Variants in CBLB observed in about 807,000 individuals in gnomAD.
CBLB encodes the protein E3 ubiquitin-protein ligase CBL-B.
In CBLB, 31 loss-of-function variants were observed where a neutral mutation model predicts 104.9. The observed-to-expected ratio is 0.30, with a 90% CI of 0.22 to 0.40. CBLB has a LOEUF of 0.40. Among genes scored for constraint, CBLB ranks in the 10% least tolerant of loss-of-function variants. CBLB has a pLI of 1.00. For missense variants in CBLB, 1,062 were observed against 1,214.6 expected, an observed-to-expected ratio of 0.87 and a Z score of 1.87; for synonymous variants, 440 against 422.6, an observed-to-expected ratio of 1.04 and a Z score of -0.51.
intron 3 of CBLB, among the ~76,000 whole-genome samples, chr3:105,815,856 T>C (rs2084966975): frequency 6.6e-6 from 1 of 152,202 alleles, no homozygotes; most frequent in South Asian, 2.1e-4. Context: ...CATGGAATAC[T>C]ATGCAGCCAT....
intron 3 of CBLB, among the ~76,000 whole-genome samples, chr3:105,783,040 G>A (rs2080482885): frequency 6.6e-6 from 1 of 152,132 alleles, no homozygotes; most frequent in African/African-American, 2.4e-5. Context: ...TAACATGCCA[G>A]CCTATGATGC....
At chr3:105,793,771 G>A (rs1003115349) in intron 3 of CBLB, among the ~76,000 whole-genome samples, 1 of 152,166 alleles carries the variant, frequency 6.6e-6, no homozygotes. Flanking sequence ...AGGTGTAGCT[G>A]TTCCACTTTG....
At chr3:105,862,998 GTC>G (rs1415144966) in intron 2 of CBLB, among the ~76,000 whole-genome samples, 1 of 152,174 alleles carries the variant, frequency 6.6e-6, no homozygotes, top group Non-Finnish European at 1.5e-5. Flanking sequence ...ATTTGGAAAT[GTC>G]TGTCTTTCCA....
chr3:105,756,120 T>C (rs2077059106), intron 4 of CBLB, among the ~76,000 whole-genome samples: 1 of 152,204 alleles, frequency 6.6e-6, no homozygotes, highest in Non-Finnish European at 1.5e-5. Flanking sequence ...TGCTCTAGTG[T>C]ACTAAAAGAA....
intron 13 of CBLB, among the ~76,000 whole-genome samples, chr3:105,689,401 C>T (rs1048946188): frequency 6.6e-6 from 1 of 150,500 alleles, no homozygotes; most frequent in Non-Finnish European, 1.5e-5. Context: ...TACAAAAATG[C>T]AAAACCAAGT....
At chr3:105,790,659 GGTCAT>G (rs1470534412) in intron 3 of CBLB, among the ~76,000 whole-genome samples, 11 of 152,156 alleles carry the variant, frequency 7.2e-5, no homozygotes, top group Admixed American at 4.6e-4. Context: ...GTACAACTAA[GGTCAT>G]TCAAGGTGCT....
intron 17 of CBLB, among the ~76,000 whole-genome samples, chr3:105,677,820 A>G (rs1232065427): frequency 1.3e-5 from 2 of 148,982 alleles, no homozygotes; most frequent in Non-Finnish European, 3.0e-5. Context: ...TATATAATAT[A>G]TACATATGTA....
At chr3:105,832,232 T>C (rs966532752) in intron 3 of CBLB, among the ~76,000 whole-genome samples, 6 of 152,150 alleles carry the variant, frequency 3.9e-5, no homozygotes, top group Non-Finnish European at 5.9e-5. Context: ...ACCTCTGTTA[T>C]AGCAATTTTG....
At chr3:105,694,943 T>C (rs1369198887) in intron 12 of CBLB, among the ~76,000 whole-genome samples, 2 of 151,818 alleles carry the variant, frequency 1.3e-5, no homozygotes, top group East Asian at 3.8e-4. Flanking sequence ...ATTAATCATT[T>C]TGAAGTTTAA....
At chr3:105,827,105 CCA>C (rs765074896) in intron 3 of CBLB, among the ~76,000 whole-genome samples, 33 of 152,078 alleles carry the variant, frequency 2.2e-4, no homozygotes, top group Admixed American at 1.3e-4. Flanking sequence ...CAATTTTTCC[CCA>C]CCTAGAGCTT....
At chr3:105,785,728 G>A (rs1001776895) in intron 3 of CBLB, among the ~76,000 whole-genome samples, 12 of 152,046 alleles carry the variant, frequency 7.9e-5, no homozygotes, top group Admixed American at 2.6e-4. Flanking sequence ...TGCTTATGTC[G>A]TGCAATACTA....
At chr3:105,753,788 A>G (rs1247141800) in intron 4 of CBLB, among the ~76,000 whole-genome samples, 1 of 152,236 alleles carries the variant, frequency 6.6e-6, no homozygotes, top group East Asian at 1.9e-4. Flanking sequence ...TAGCATTTAC[A>G]GTGAATTCAA....
intron 17 of CBLB, chr3:105,671,494 T>C (rs900662720): frequency 4.7e-6 from 1 of 214,204 alleles, no homozygotes. Context: ...CAAATTCAGA[T>C]TGTTCACAAT....
At chr3:105,852,994 G>A (rs2091152917) in intron 3 of CBLB, among the ~76,000 whole-genome samples, 2 of 152,152 alleles carry the variant, frequency 1.3e-5, no homozygotes, top group African/African-American at 2.4e-5. Flanking sequence ...TGGGATTACA[G>A]GCATGACCCA....
chr3:105,769,185 G>T (rs986950035), intron 4 of CBLB, among the ~76,000 whole-genome samples: 8 of 152,078 alleles, frequency 5.3e-5, no homozygotes, highest in Non-Finnish European at 1.5e-5. Context: ...GGGCGTGGTG[G>T]TGCATGCCTG....
At chr3:105,725,150 T>C (rs1473878980) in intron 9 of CBLB, among the ~76,000 whole-genome samples, 1 of 152,226 alleles carries the variant, frequency 6.6e-6, no homozygotes, top group African/African-American at 2.4e-5. Flanking sequence ...TCAATGAATA[T>C]TCTGTTCGCT....
intron 3 of CBLB, among the ~76,000 whole-genome samples, chr3:105,812,542 G>A (rs961903918): frequency 6.6e-6 from 1 of 152,220 alleles, no homozygotes; most frequent in Non-Finnish European, 1.5e-5. Context: ...CTAAGAGGAA[G>A]AAATGACAGC....
intron 3 of CBLB, among the ~76,000 whole-genome samples, chr3:105,805,431 A>G (rs1384495803): frequency 6.6e-6 from 1 of 151,858 alleles, no homozygotes; most frequent in Non-Finnish European, 1.5e-5. Flanking sequence ...CAGCTTCCCA[A>G]ATAGTTGGGA....
chr3:105,742,937 C>T (rs147381540), intron 6 of CBLB, among the ~76,000 whole-genome samples: 1 of 152,024 alleles, frequency 6.6e-6, no homozygotes, highest in Non-Finnish European at 1.5e-5. Context: ...TTCTAAAACT[C>T]ATTATTATAC....
Sources: allele counts gnomAD v4.1 joint callset (sites outside exome capture counted in the v4.1 genomes callset), GRCh38; gene constraint gnomAD v4.1.1; transcripts MANE v1.5; gene names NCBI Gene and HGNC (gene_info 2026-07-23, HGNC 2026-07-21).